The following RSPO2 variants were observed in gnomAD, a reference collection of about 807,000 sequenced individuals.
RSPO2 encodes the protein R-spondin 2.
Under a neutral mutation model 30.9 loss-of-function variants are expected in RSPO2, and 14 were observed. The ratio of observed to expected loss-of-function variants is 0.45; its 90% CI spans 0.30 to 0.71. The LOEUF is 0.71. RSPO2 is among the 30% of genes least tolerant of loss of function. The pLI, the probability that RSPO2 is intolerant of heterozygous loss-of-function variation, is 0.08. For synonymous variants in RSPO2, 107 were observed against 96.4 expected, an observed-to-expected ratio of 1.11 and a Z score of -0.64; for missense variants, 264 against 301.9, an observed-to-expected ratio of 0.87 and a Z score of 0.93.
intron 2 of RSPO2, among the ~76,000 whole-genome samples, chr8:107,998,870 A>G (rs1170564431): frequency 1.3e-5 from 2 of 152,094 alleles, no homozygotes; most frequent in African/African-American, 2.4e-5. Context: ...TAACATGGTG[A>G]AACCCTGTCT....
At chr8:107,971,524 G>A (rs1004999021) in intron 3 of RSPO2, among the ~76,000 whole-genome samples, 1 of 152,142 alleles carries the variant, frequency 6.6e-6, no homozygotes, top group African/African-American at 2.4e-5. Context: ...ACAACAGGCA[G>A]CTACTGCATT....
In RSPO2 at chr8:107,976,256, G is replaced by A. The variant is rs542342923; in HGVS notation, c.283+12800C>T. Among the ~76,000 whole-genome samples the A allele has an allele frequency of 5.3e-5, 8 of 152,244 alleles. No individual in the cohort carries two copies. In the South Asian group the frequency reaches 1.7e-3, roughly 32 times the overall value. ...GATGGGCAGTTGAACTGGACCAAATGATGCATTTTTACTTTGTTTTCTCCA... is the reference window on the plus strand; with the variant it reads ...GATGGGCAGTTGAACTGGACCAAATAATGCATTTTTACTTTGTTTTCTCCA... On this transcript the variant is annotated intron_variant, in intron 3 of 5. Coordinates refer to ENST00000276659, the MANE Select transcript of RSPO2 (RefSeq NM_178565.5).
At chr8:107,961,489 G>T (rs1482237361) in intron 3 of RSPO2, among the ~76,000 whole-genome samples, 1 of 152,102 alleles carries the variant, frequency 6.6e-6, no homozygotes, top group Non-Finnish European at 1.5e-5. Flanking sequence ...CAGCTGAATT[G>T]GTTCTGAAAG....
intron 5 of RSPO2, among the ~76,000 whole-genome samples, chr8:107,933,091 T>C (rs543725966): frequency 6.6e-6 from 1 of 152,154 alleles, no homozygotes; most frequent in African/African-American, 2.4e-5. Context: ...CCTTAGCCTG[T>C]TTATGTTATT....
intron 5 of RSPO2, among the ~76,000 whole-genome samples, chr8:107,947,439 G>T (rs958922467): frequency 2.6e-5 from 4 of 152,046 alleles, no homozygotes; most frequent in African/African-American, 7.2e-5. Context: ...AAAAGAAAAA[G>T]AAAAAACTGT....
At chr8:107,998,703 G>A (rs1815115059) in intron 2 of RSPO2, among the ~76,000 whole-genome samples, 1 of 151,984 alleles carries the variant, frequency 6.6e-6, no homozygotes, top group South Asian at 2.1e-4. Flanking sequence ...TGATAATCAA[G>A]ATCAAAGCTT....
intron 5 of RSPO2, among the ~76,000 whole-genome samples, chr8:107,901,863 G>A (rs1183224163): frequency 1.3e-5 from 2 of 152,202 alleles, no homozygotes; most frequent in Admixed American, 1.3e-4. Flanking sequence ...CTAACTACCA[G>A]ACGATCATAC....
At chr8:107,952,140 T>C (rs1363532134) in intron 5 of RSPO2, among the ~76,000 whole-genome samples, 2 of 152,080 alleles carry the variant, frequency 1.3e-5, no homozygotes, top group Non-Finnish European at 2.9e-5. Flanking sequence ...GACGCAGGAA[T>C]TTCAGACACT....
chr8:108,039,651 C>T (rs185107155), intron 2 of RSPO2, among the ~76,000 whole-genome samples: 316 of 152,252 alleles, frequency 2.1e-3, no homozygotes, highest in Non-Finnish European at 2.8e-3. Flanking sequence ...AACAGGCCCC[C>T]ACCCATCCAG....
At chr8:107,913,491 T>A (rs949619214) in intron 5 of RSPO2, among the ~76,000 whole-genome samples, 5 of 152,116 alleles carry the variant, frequency 3.3e-5, no homozygotes, top group African/African-American at 4.8e-5. Flanking sequence ...ACCAGACAAA[T>A]ATTTTGGTCA....
intron 2 of RSPO2, among the ~76,000 whole-genome samples, chr8:108,017,359 G>T (rs1383497243): frequency 6.6e-6 from 1 of 152,092 alleles, no homozygotes; most frequent in Non-Finnish European, 1.5e-5. Context: ...TAATACAATG[G>T]TTATAAGAAT....
At chr8:108,006,181 A>C (rs1258763924) in intron 2 of RSPO2, among the ~76,000 whole-genome samples, 2 of 152,206 alleles carry the variant, frequency 1.3e-5, no homozygotes. Flanking sequence ...CAAAATAAGA[A>C]CATCTTTACA....
intron 5 of RSPO2, among the ~76,000 whole-genome samples, chr8:107,956,483 ATGT>A (rs1480202641): frequency 7.2e-5 from 11 of 152,334 alleles, no homozygotes; most frequent in South Asian, 2.1e-4. Context: ...CTAAGACAGT[ATGT>A]TGTTGTTGAT....
intron 2 of RSPO2, among the ~76,000 whole-genome samples, chr8:107,997,888 T>TC: frequency 6.6e-6 from 1 of 152,302 alleles, no homozygotes; most frequent in East Asian, 1.9e-4. Context: ...TCTAATATAC[T>TC]CCTGACTTTT....
intron 3 of RSPO2, chr8:107,983,840 C>T (rs201443858): frequency 3.7e-6 from 6 of 1,600,660 alleles, no homozygotes; most frequent in Admixed American, 1.7e-5. Context: ...CCTCCTCAAC[C>T]TGGCAGAAGT....
At chr8:108,074,328 C>A (rs981659710) in intron 2 of RSPO2, among the ~76,000 whole-genome samples, 2 of 152,142 alleles carry the variant, frequency 1.3e-5, no homozygotes, top group Non-Finnish European at 2.9e-5. Flanking sequence ...ATATTTAATA[C>A]CTTTGCTCTG....
chr8:107,915,527 T>C (rs544639484), intron 5 of RSPO2, among the ~76,000 whole-genome samples: 1 of 152,196 alleles, frequency 6.6e-6, no homozygotes, highest in South Asian at 2.1e-4. Context: ...AGAAGGATAG[T>C]TTGGAAGGTA....
intron 5 of RSPO2, among the ~76,000 whole-genome samples, chr8:107,934,616 C>T (rs959487256): frequency 1.3e-5 from 2 of 152,122 alleles, no homozygotes; most frequent in African/African-American, 4.8e-5. Context: ...AGGTGATCTG[C>T]CTGCCTCAGC....
intron 5 of RSPO2, among the ~76,000 whole-genome samples, chr8:107,951,052 TGTTGTTG>T (rs1813228794): frequency 4.1e-5 from 6 of 147,232 alleles, no homozygotes; most frequent in Admixed American, 1.4e-4. Flanking sequence ...AGTTTTTTTT[TGTTGTTG>T]TTGTTGTTGT....
Sources: gnomAD v4.1 joint callset for allele counts (sites outside exome capture counted in the v4.1 genomes callset) on GRCh38, gnomAD v4.1.1 for gene constraint, MANE v1.5 for transcripts, NCBI Gene and HGNC (gene_info 2026-07-23, HGNC 2026-07-21) for gene names.